The following OLAH variants were observed in gnomAD, a reference collection of about 807,000 sequenced individuals.
OLAH encodes the protein oleoyl-ACP hydrolase, also known as S-acyl fatty acid synthase thioesterase, medium chain.
In OLAH, 33 loss-of-function variants were observed where a neutral mutation model predicts 27.8. The ratio of observed to expected loss-of-function variants is 1.19; its 90% CI spans 0.90 to 1.59. OLAH has a LOEUF of 1.59. Ranked by LOEUF, OLAH falls within the 40% of genes most tolerant of loss-of-function variation. The pLI is 0.00. For synonymous variants in OLAH, 120 were observed against 102.9 expected, an observed-to-expected ratio of 1.17 and a Z score of -1.01; for missense variants, 359 against 310.8, an observed-to-expected ratio of 1.16 and a Z score of -1.17.
intron 1 of OLAH, among the ~76,000 whole-genome samples, chr10:15,035,758 A>G (rs536205299): frequency 6.6e-6 from 1 of 152,160 alleles, no homozygotes; most frequent in Non-Finnish European, 1.5e-5. Context: ...ACAGAGGTAG[A>G]TCTGGCTCTT....
At chr10:15,061,199 C>CA (rs1844355548) in intron 3 of OLAH, among the ~76,000 whole-genome samples, 1 of 152,096 alleles carries the variant, frequency 6.6e-6, no homozygotes, top group Non-Finnish European at 1.5e-5. Context: ...CATCCAGAGC[C>CA]AAGGCAAAAT....
chr10:15,039,716 G>A (rs1843892939), upstream of OLAH, among the ~76,000 whole-genome samples: 1 of 152,204 alleles, frequency 6.6e-6, no homozygotes, highest in Admixed American at 6.5e-5. Flanking sequence ...TTTTAGCTAA[G>A]AGTCCCCCAG....
At chr10:15,055,047 C>G (rs1235324044) in intron 3 of OLAH, among the ~76,000 whole-genome samples, 1 of 152,094 alleles carries the variant, frequency 6.6e-6, no homozygotes, top group Non-Finnish European at 1.5e-5. Context: ...TCACTGCAAC[C>G]TCTGCCTCCA....
chr10:15,038,189 C>A lies in OLAH; in HGVS notation c.-164+5839C>A, dbSNP rs186576409. The stretch of plus-strand genomic sequence containing the variant: ...TCCCATTTGGAACTGCTGTATTTAC[C>A]CAATGCCTGTACCCCATTGTATCTA... On this transcript the variant is annotated intron_variant, in intron 1 of 3. Coordinates refer to the OLAH transcript ENST00000413672. 8.5e-5 allele frequency among the ~76,000 whole-genome samples: 13 copies of A among 152,326 alleles called. No homozygotes were observed. In the East Asian group the frequency reaches 2.5e-3, roughly 29 times the overall value.
rs1211239552 is a variant in OLAH at position 15,065,738 on chromosome 10, T to C, written c.557T>C (p.Ile186Thr). 14 of 1,592,104 alleles carry C rather than the reference T, an allele frequency of 8.8e-6. No individual in the cohort carries two copies. In the South Asian group the frequency reaches 1.0e-4, roughly 12 times the overall value. The change falls in exon 6 of 8, where the codon ATT becomes ACT. Residue 186 changes from isoleucine to threonine, a missense_variant. Transcript: ENST00000378228. ...CSPIIRADLN[I>T]VRSCTSNVPS... is the part of the protein sequence containing the mutation. ...CCCATCATAAGGGCAGATCTGAACA[T>C]TGTTAGAAGTTGCACGTAAGTAACA...
intron 3 of OLAH, among the ~76,000 whole-genome samples, chr10:15,055,792 C>G (rs1844233972): frequency 6.6e-6 from 1 of 152,058 alleles, no homozygotes; most frequent in Admixed American, 6.6e-5. Context: ...TTTATGGCCT[C>G]CTCAAACACT....
chr10:15,046,148 C>A (rs1002442196), intron 1 of OLAH, among the ~76,000 whole-genome samples: 1 of 152,016 alleles, frequency 6.6e-6, no homozygotes, highest in Non-Finnish European at 1.5e-5. Context: ...GAGTTTGAGA[C>A]CAGCCTGGGC....
intron 2 of OLAH, among the ~76,000 whole-genome samples, chr10:15,048,798 A>G (rs1844072226): frequency 6.6e-6 from 1 of 152,166 alleles, no homozygotes; most frequent in Non-Finnish European, 1.5e-5. Flanking sequence ...CTGAAAGTTT[A>G]TTTAATTTAA....
At chr10:15,041,280 A>ATT (rs529932860), upstream of OLAH, among the ~76,000 whole-genome samples, 249 of 79,042 alleles carry the variant, frequency 3.2e-3, 1 homozygote, top group African/African-American at 0.011. Context: ...TTTTATTTTT[A>ATT]TTTTTATTTT....
At chr10:15,047,363 G>A in intron 2 of OLAH, 43 bp downstream of exon 2, 1 of 1,595,854 alleles carries the variant, frequency 6.3e-7, no homozygotes, top group Non-Finnish European at 8.6e-7. Flanking sequence ...TCCATCCCAG[G>A]GGCTCCGATA....
At chr10:15,070,086 T>C (rs185710434) in intron 6 of OLAH, among the ~76,000 whole-genome samples, 1 of 152,122 alleles carries the variant, frequency 6.6e-6, no homozygotes, top group African/African-American at 2.4e-5. Flanking sequence ...GATTTCTAAC[T>C]TGCCTTGCAA....
chr10:15,038,393 G>A (rs1392992956), intron 1 of OLAH, among the ~76,000 whole-genome samples: 2 of 152,142 alleles, frequency 1.3e-5, no homozygotes, highest in African/African-American at 2.4e-5. Context: ...TTTGGGAGGG[G>A]TCCAGGGTGG....
In OLAH at chr10:15,073,213, C is replaced by A. The variant is rs199771372; in HGVS notation, c.782C>A (p.Ser261Ter). ...ATAATCAAGTGTCTAGAAGTATCAT[C>A]GATATCCAATTTTTAGATATTTTCC... ...NYIIKCLEVSSISNF is the reference protein window; with the variant it reads ...NYIIKCLEVS The change falls in exon 8 of 8, where the codon TCG becomes TAG. Residue 261 changes from serine (S) to a stop codon, truncating the protein, a stop_gained. Transcript: ENST00000378228. LOFTEE classifies it high-confidence loss of function. 1 of 1,586,234 alleles carries A rather than the reference C, an allele frequency of 6.3e-7. No homozygotes were observed. The highest frequency in any genetic ancestry group is 1.8e-5 in the Admixed American group (1 of 56,200).
intron 1 of OLAH, among the ~76,000 whole-genome samples, chr10:15,044,360 C>G (rs1305819864): frequency 6.6e-6 from 1 of 151,934 alleles, no homozygotes; most frequent in Non-Finnish European, 1.5e-5. Flanking sequence ...TTAGTAAAAC[C>G]TCACAGATAA....
intron 1 of OLAH, among the ~76,000 whole-genome samples, chr10:15,032,932 G>A (rs1843781929): frequency 6.6e-6 from 1 of 152,024 alleles, no homozygotes; most frequent in African/African-American, 2.4e-5. Flanking sequence ...GAGTGCAGTG[G>A]TGCAATCTTG....
intron 3 of OLAH, among the ~76,000 whole-genome samples, chr10:15,059,643 T>C (rs1046685475): frequency 1.3e-5 from 2 of 152,042 alleles, no homozygotes; most frequent in Admixed American, 1.3e-4. Flanking sequence ...CCGTCTCTAC[T>C]AAAAATACAA....
intron 1 of OLAH, 38 bp downstream of exon 1, chr10:15,044,024 G>C (rs1418363586): frequency 1.3e-5 from 2 of 152,118 alleles, no homozygotes; most frequent in Non-Finnish European, 2.9e-5. Context: ...AAAAATCATA[G>C]AGTAATACCT....
chr10:15,067,740 C>T (rs915136633), intron 6 of OLAH, among the ~76,000 whole-genome samples: 9 of 152,184 alleles, frequency 5.9e-5, no homozygotes, highest in Non-Finnish European at 8.8e-5. Context: ...ATCTCTCCCA[C>T]GTCCTCGTTA....
upstream of OLAH, among the ~76,000 whole-genome samples, chr10:15,042,928 T>C (rs926221353): frequency 4.3e-5 from 6 of 138,906 alleles, no homozygotes; most frequent in East Asian, 1.4e-3. Context: ...TGGCGTGATC[T>C]CCGCTCACTG....
Sources: gnomAD v4.1 joint callset for allele counts (sites outside exome capture counted in the v4.1 genomes callset) on GRCh38, gnomAD v4.1.1 for gene constraint, MANE v1.5 for transcripts, NCBI Gene and HGNC (gene_info 2026-07-23, HGNC 2026-07-21) for gene names.